Variants in CHL1 observed in about 807,000 individuals in gnomAD.
CHL1 encodes the protein cell adhesion molecule L1 like, also known as neural cell adhesion molecule L1-like protein.
A neutral mutation model predicts 141.9 loss-of-function variants in CHL1; 96 were observed. The ratio of observed to expected loss-of-function variants is 0.68; its 90% CI spans 0.57 to 0.80. CHL1 has a LOEUF of 0.80. Among genes scored for constraint, CHL1 ranks in the 30% least tolerant of loss-of-function variants. The pLI is 0.00. For synonymous variants in CHL1, 613 were observed against 502.2 expected (o/e 1.22, Z -2.95); for missense variants, 1,820 against 1,457.2 (o/e 1.25, Z -4.05).
intron 1 of CHL1, among the ~76,000 whole-genome samples, chr3:208,586 A>G (rs979596755): frequency 7.9e-5 from 12 of 152,072 alleles, no homozygotes; most frequent in African/African-American, 2.9e-4. Flanking sequence ...ATTCAACCAG[A>G]TTTACATTGT....
chr3:310,200 T>A (rs1467189086), intron 2 of CHL1, among the ~76,000 whole-genome samples: 3 of 152,008 alleles, frequency 2.0e-5, no homozygotes, highest in Non-Finnish European at 4.4e-5. Flanking sequence ...GAGGTCGAGG[T>A]GGGAGGATCA....
rs1219034656 is a variant in CHL1 at position 316,090 on chromosome 3, A to G, written c.-94-3593A>G. On this transcript the variant is annotated intron_variant, in intron 2 of 27. Coordinates refer to ENST00000256509, the MANE Select transcript of CHL1 (RefSeq NM_006614.4). ...ACCCTACTCTTATTACCCTAATCTT[A>G]TGTGAATGGGCTTTCCAGTTGACCG... Among the ~76,000 whole-genome samples, 8 of 151,992 alleles carry G rather than the reference A, an allele frequency of 5.3e-5. 1 individual carries two copies. The highest frequency in any genetic ancestry group is 4.6e-4 in the Admixed American group (7 of 15,242).
intron 16 of CHL1, among the ~76,000 whole-genome samples, chr3:379,531 G>A (rs1706764829): frequency 6.6e-6 from 1 of 152,084 alleles, no homozygotes; most frequent in Non-Finnish European, 1.5e-5. Flanking sequence ...TAAGTGTCAG[G>A]CTCCGTGCGC....
At chr3:219,319 C>CTA (rs1352996610) in intron 1 of CHL1, among the ~76,000 whole-genome samples, 2 of 152,052 alleles carry the variant, frequency 1.3e-5, no homozygotes, top group East Asian at 1.9e-4. Flanking sequence ...AATCCCATTA[C>CTA]TATATATATT....
Position 300,878 on chromosome 3 carries a change from G to A in CHL1, c.-94-18805G>A, listed in dbSNP as rs191386920. ...GATAAGAGTTGCCATCTAGGCAAAA[G>A]GTGATGAAAGTAAAGGATTCTCCAG... On this transcript the variant is annotated intron_variant, in intron 2 of 27. Transcript: ENST00000256509. 3.0e-3 allele frequency among the ~76,000 whole-genome samples: 456 copies of A among 152,294 alleles called. 2 individuals carry two copies. Among genetic ancestry groups the A allele is most frequent in the African/African-American group, 0.011 (442 of 41,568 alleles).
At chr3:263,002 G>C (rs1423207289) in intron 2 of CHL1, among the ~76,000 whole-genome samples, 2 of 152,148 alleles carry the variant, frequency 1.3e-5, no homozygotes, top group Non-Finnish European at 2.9e-5. Flanking sequence ...ATTTCAAGAG[G>C]ATCCTTCCCT....
At chr3:258,377 C>T (rs1356420367) in intron 2 of CHL1, among the ~76,000 whole-genome samples, 1 of 152,160 alleles carries the variant, frequency 6.6e-6, no homozygotes, top group Non-Finnish European at 1.5e-5. Flanking sequence ...AATCTGTGGC[C>T]AACATCTACT....
intron 2 of CHL1, among the ~76,000 whole-genome samples, chr3:302,931 G>C (rs1698888380): frequency 6.6e-6 from 1 of 152,156 alleles, no homozygotes; most frequent in Non-Finnish European, 1.5e-5. Flanking sequence ...AAGGTGTAAG[G>C]AAGGGGTCCA....
chr3:298,468 G>T (rs1389920988), intron 2 of CHL1, among the ~76,000 whole-genome samples: 1 of 152,162 alleles, frequency 6.6e-6, no homozygotes, highest in Non-Finnish European at 1.5e-5. Flanking sequence ...CTCAATAGGA[G>T]TATTTAGGTA....
chr3:346,356 T>A (rs1161153365), intron 9 of CHL1, among the ~76,000 whole-genome samples: 2 of 152,224 alleles, frequency 1.3e-5, no homozygotes, highest in African/African-American at 2.4e-5. Flanking sequence ...GTTTGAATCA[T>A]GATGGCAACA....
At chr3:268,669 A>T (rs901582982) in intron 2 of CHL1, among the ~76,000 whole-genome samples, 22 of 152,248 alleles carry the variant, frequency 1.4e-4, no homozygotes, top group African/African-American at 5.1e-4. Flanking sequence ...ATTATTGCAC[A>T]TGCCATAAAT....
At chr3:385,454 T>A (rs894426336) in intron 19 of CHL1, among the ~76,000 whole-genome samples, 1 of 152,164 alleles carries the variant, frequency 6.6e-6, no homozygotes, top group African/African-American at 2.4e-5. Flanking sequence ...CTCCTCTCAC[T>A]CATAAGTCAT....
intron 2 of CHL1, among the ~76,000 whole-genome samples, chr3:278,322 T>A (rs930902750): frequency 1.3e-5 from 2 of 152,238 alleles, no homozygotes; most frequent in Admixed American, 1.3e-4. Flanking sequence ...TGAAATCATT[T>A]ACTAGTTGTT....
chr3:268,899 G>T (rs2125234648), intron 2 of CHL1, among the ~76,000 whole-genome samples: 1 of 152,282 alleles, frequency 6.6e-6, no homozygotes, highest in African/African-American at 2.4e-5. Context: ...CAATCAGATG[G>T]CAAAATATTG....
intron 1 of CHL1, among the ~76,000 whole-genome samples, chr3:242,845 A>G (rs1406808733): frequency 6.6e-6 from 1 of 152,186 alleles, no homozygotes; most frequent in Non-Finnish European, 1.5e-5. Context: ...GATCATAGCT[A>G]CAGTCTCCAT....
intron 2 of CHL1, among the ~76,000 whole-genome samples, chr3:315,190 A>G (rs1020600862): frequency 2.0e-5 from 3 of 152,252 alleles, no homozygotes; most frequent in Admixed American, 1.3e-4. Context: ...CTAATGACAC[A>G]TTACCTCACT....
At chr3:315,265 G>A (rs1700074479) in intron 2 of CHL1, among the ~76,000 whole-genome samples, 1 of 152,106 alleles carries the variant, frequency 6.6e-6, no homozygotes, top group South Asian at 2.1e-4. Flanking sequence ...GAGTGAGCAG[G>A]CTGGGTAAAC....
chr3:255,378 T>C (rs943852280), intron 2 of CHL1, among the ~76,000 whole-genome samples: 10 of 152,194 alleles, frequency 6.6e-5, no homozygotes, highest in African/African-American at 2.4e-4. Flanking sequence ...TTTAAGTGAT[T>C]ATGATTTCTA....
chr3:400,961 G>T (rs942346177), intron 26 of CHL1, among the ~76,000 whole-genome samples: 1 of 142,300 alleles, frequency 7.0e-6, no homozygotes, highest in Non-Finnish European at 1.5e-5. Flanking sequence ...GAGTGCAGTG[G>T]TTCTATCTCA....
Sources: gnomAD v4.1 joint callset for allele counts (sites outside exome capture counted in the v4.1 genomes callset) on GRCh38, gnomAD v4.1.1 for gene constraint, MANE v1.5 for transcripts, NCBI Gene and HGNC (gene_info 2026-07-23, HGNC 2026-07-21) for gene names.